ZNF285: variants seen among roughly 807,000 people sequenced by gnomAD.
ZNF285 encodes zinc finger protein 285.
A neutral mutation model predicts 6.2 loss-of-function variants in ZNF285; 4 were observed. The observed-to-expected ratio is 0.65, with a 90% CI of 0.32 to 1.49. The LOEUF (loss-of-function observed/expected upper bound fraction) is 1.49, where lower values mean the gene tolerates loss of function less well. Among genes scored for constraint, ZNF285 ranks in the 40% most tolerant of loss-of-function variants. The probability of loss-of-function intolerance (pLI) is 0.07; values close to 1 mark genes in which losing one functional copy is unlikely to be tolerated. For synonymous variants in ZNF285, 240 were observed against 245.8 expected (o/e 0.98, Z 0.22); for missense variants, 695 against 708.8 (o/e 0.98, Z 0.22).
At position 44,387,971 on chromosome 19, in the gene ZNF285, C is replaced by T. The variant is rs140033872; in HGVS notation, c.274G>A (p.Val92Met). 1.1e-4 allele frequency: 180 copies of T among 1,614,052 alleles called. No individual in the cohort carries two copies. The highest frequency in any genetic ancestry group is 5.3e-4 in the African/African-American group (40 of 74,924). Residue 92 changes from valine to methionine, a missense_variant, in exon 4 of 4, where the codon GTG (valine) becomes ATG (methionine). Physicochemically the swap from Val to Met is conservative, Grantham distance 21 (BLOSUM62 1). Transcript: ENST00000614994. ...GGGGAACACTCTTCTTGAAGGTTCACGATATAATCCTGACTCACAGTTAAA... is the reference window on the plus strand; with the variant it reads ...GGGGAACACTCTTCTTGAAGGTTCATGATATAATCCTGACTCACAGTTAAA... ...RDLTVSQDYIVNLQEECSPHL... is the reference protein window; with the variant it reads ...RDLTVSQDYIMNLQEECSPHL...
chr19:44,396,217 A>T (rs966277959), intron 2 of ZNF285, among the ~76,000 whole-genome samples: 4 of 149,916 alleles, frequency 2.7e-5, no homozygotes, highest in Admixed American at 2.6e-4. Flanking sequence ...GAAAGAAAAA[A>T]ACTGAAAAAG....
chr19:44,400,746 T>C (rs1481461979), intron 1 of ZNF285, among the ~76,000 whole-genome samples: 3 of 151,932 alleles, frequency 2.0e-5, no homozygotes, highest in Non-Finnish European at 4.4e-5. Context: ...GGCTAATTTT[T>C]TGTAATTGTT....
chr19:44,400,057 T>C (rs903908887), intron 1 of ZNF285, among the ~76,000 whole-genome samples: 10 of 150,582 alleles, frequency 6.6e-5, no homozygotes, highest in Non-Finnish European at 1.2e-4. Flanking sequence ...AGACTTCCCA[T>C]TGGCCAAAGA....
In ZNF285 at chr19:44,386,641, G is replaced by C. The variant is rs758684323; in HGVS notation, c.1604C>G (p.Thr535Arg). The C allele has an allele frequency of 3.7e-6, 6 of 1,614,134 alleles. No homozygotes were observed. The South Asian group carries it at 6.6e-5, about 18-fold the overall frequency. The change falls in exon 4 of 4, where the codon ACA (threonine) becomes AGA (arginine). Residue 535 changes from threonine to arginine, a missense_variant. Coordinates refer to ENST00000614994, the MANE Select transcript of ZNF285 (RefSeq NM_152354.6). The part of the protein sequence containing the change: ...SDLNVHLRVH[T>R]GERPYKCKAC... ...CTTACACTTATAGGGCCTCTCTCCT[G>C]TGTGGACTCTGAGGTGAACATTAAG...
At chr19:44,399,535 C>T (rs1481052721) in intron 1 of ZNF285, among the ~76,000 whole-genome samples, 4 of 151,074 alleles carry the variant, frequency 2.6e-5, no homozygotes, top group Admixed American at 6.6e-5. Flanking sequence ...ATTAGATGCA[C>T]GTGCAAAGAC....
At position 44,387,713 on chromosome 19, in the gene ZNF285, G is replaced by T. The variant is rs145710160; in HGVS notation, c.532C>A (p.Arg178Ser). The T allele has an allele frequency of 6.2e-7, 1 of 1,613,684 alleles. No individual in the cohort carries two copies. Among genetic ancestry groups the T allele is most frequent in the Non-Finnish European group, 8.5e-7 (1 of 1,179,848 alleles). ...GIYMEEKLYR[R>S]AQHDDSLSWT... Reference sequence around the variant, plus strand: ...CTGAGGCTGTCATCATGCTGAGCACGTCTGTACAATTTCTCTTCCATGTAA... The same window carrying T: ...CTGAGGCTGTCATCATGCTGAGCACTTCTGTACAATTTCTCTTCCATGTAA... Residue 178 changes from arginine (R) to serine (S), a missense_variant, in exon 4 of 4, where the codon CGT becomes AGT. Arg to Ser is a moderately radical substitution (Grantham distance 110). Transcript: ENST00000614994.
At chr19:44,392,183 C>T in intron 3 of ZNF285, 157 bp downstream of exon 3, 3 of 1,496,068 alleles carry the variant, frequency 2.0e-6, no homozygotes, top group South Asian at 1.4e-5. Context: ...TCTGTAAAAG[C>T]TCATTAACTG....
chr19:44,389,452 A>G (rs1217565248), intron 3 of ZNF285, among the ~76,000 whole-genome samples: 1 of 152,164 alleles, frequency 6.6e-6, no homozygotes, highest in African/African-American at 2.4e-5. Context: ...TGGTTTCCCA[A>G]TTGTTTTGAT....
chr19:44,399,475 G>A (rs1971340895), intron 1 of ZNF285, among the ~76,000 whole-genome samples: 1 of 145,246 alleles, frequency 6.9e-6, no homozygotes, highest in Non-Finnish European at 1.5e-5. Context: ...CTCAATCAAT[G>A]TTTCTCAATA....
chr19:44,388,827 T>G (rs1971143877), intron 3 of ZNF285, among the ~76,000 whole-genome samples: 1 of 145,844 alleles, frequency 6.9e-6, no homozygotes. Context: ...AAGTCCTATC[T>G]CCTGATGGCT....
intron 2 of ZNF285, among the ~76,000 whole-genome samples, chr19:44,393,711 T>C (rs545469560): frequency 2.6e-4 from 40 of 152,270 alleles, no homozygotes; most frequent in African/African-American, 8.9e-4. Context: ...CACAATGAGA[T>C]ACCATCTCAC....
Position 44,386,941 on chromosome 19 carries a change from T to C in ZNF285, c.1304A>G (p.Lys435Arg). The change falls in exon 4 of 4, where the codon AAG (lysine) becomes AGG (arginine). Residue 435 changes from lysine to arginine, a missense_variant. Coordinates refer to ENST00000614994, the MANE Select transcript of ZNF285 (RefSeq NM_152354.6). ...EKPYRCGECG[K>R]GFSQCTHLHI... ...AAGGTGTGTACATTGGCTGAAGCCC[T>C]TTCCACACTCACCACACCTATATGG... 6.2e-7 allele frequency: 1 copy of C among 1,614,150 alleles called. No homozygotes were observed. The highest frequency in any genetic ancestry group is 1.7e-4 in the Middle Eastern group (1 of 6,060).
At chr19:44,392,560 A>G in intron 2 of ZNF285, 94 bp from the exon 3 acceptor site, 1 of 1,609,946 alleles carries the variant, frequency 6.2e-7, no homozygotes, top group Non-Finnish European at 8.5e-7. Context: ...CAGTCTGATT[A>G]GATTAAACAA....
rs775877675 is a variant in ZNF285, at chr19:44,386,971, T to A, written c.1274A>T (p.Glu425Val). The change falls in exon 4 of 4, where the codon GAG becomes GTG. Residue 425 changes from glutamate (E) to valine (V), a missense_variant. Glu to Val is a moderately radical substitution (Grantham distance 121, BLOSUM62 -2). Coordinates refer to ENST00000614994, the MANE Select transcript of ZNF285 (RefSeq NM_152354.6). ...LQVHWRFHTG[E>V]KPYRCGECGK... ...ACACTCACCACACCTATATGGTTTC[T>A]CCCCTGTGTGAAACCTCCAGTGGAC... The A allele has an allele frequency of 1.4e-5, 22 of 1,614,050 alleles. No individual in the cohort carries two copies. In the Admixed American group the frequency reaches 2.2e-4, roughly 16 times the overall value.
At chr19:44,397,500 A>G (rs1433192014) in intron 1 of ZNF285, among the ~76,000 whole-genome samples, 1 of 152,174 alleles carries the variant, frequency 6.6e-6, no homozygotes, top group Non-Finnish European at 1.5e-5. Flanking sequence ...AAACCTGCAC[A>G]TTCTTTTCCT....
chr19:44,396,945 C>G lies in ZNF285; in HGVS notation c.15+254G>C, dbSNP rs2571140. ...TTTTCCCTCATCGGGCAGTGATAAG[C>G]AGTTCATGGACTGGTACTGATACAT... is the stretch of plus-strand genomic sequence containing the variant. On this transcript the variant is annotated intron_variant, in intron 2 of 3. Transcript: ENST00000614994. 3.1e-3 allele frequency: 1,474 copies of G among 477,354 alleles called. 9 individuals are homozygous for G. The highest frequency in any genetic ancestry group is 0.011 in the African/African-American group (539 of 50,262). The allele number at this position is 477,354 out of a possible 1,614,324, so 29.6% of individuals were successfully genotyped here.
chr19:44,388,216 G>C, intron 3 of ZNF285, 114 bp from the exon 4 acceptor site: 2 of 911,732 alleles, frequency 2.2e-6, no homozygotes, highest in African/African-American at 3.4e-5. Context: ...ATTGACGTAT[G>C]AAACAATTAG....
chr19:44,388,193 G>C (rs1971131592), intron 3 of ZNF285, 91 bp from the exon 4 acceptor site: 1 of 1,217,336 alleles, frequency 8.2e-7, no homozygotes, highest in South Asian at 1.5e-5. Context: ...GTGGGAAGTT[G>C]TCCCTGGGTT....
chr19:44,400,574 TTTCTTTTCTTTTTTCTTTGAGACAG>T (rs1971358486), intron 1 of ZNF285, among the ~76,000 whole-genome samples: 1 of 151,996 alleles, frequency 6.6e-6, no homozygotes, highest in South Asian at 2.1e-4. Flanking sequence ...GGGCAGTTCT[TTTCTTTTCTTTTTTCTTTGAGACAG>T]AGTCTGGCTC....
Sources: allele counts gnomAD v4.1 joint callset (sites outside exome capture counted in the v4.1 genomes callset), GRCh38; gene constraint gnomAD v4.1.1; transcripts MANE v1.5; gene names NCBI Gene and HGNC (gene_info 2026-07-23, HGNC 2026-07-21).